AKAP6: variants seen among roughly 807,000 people sequenced by gnomAD.
AKAP6 encodes the protein A-kinase anchoring protein 6, also known as A-kinase anchor protein 6.
AKAP6 carries 58 observed loss-of-function variants against 188.5 expected under a neutral mutation model. That is an observed-to-expected ratio of 0.31 (90% CI 0.25 to 0.38). The LOEUF (loss-of-function observed/expected upper bound fraction) is 0.38. Among genes scored for constraint, AKAP6 ranks in the 10% least tolerant of loss-of-function variants. The pLI is 1.00. For missense variants in AKAP6, 2,710 were observed against 2,740.0 expected (o/e 0.99, Z 0.24); for synonymous variants, 989 against 998.6 (o/e 0.99, Z 0.18).
chr14:32,583,882 T>C (rs1258730867), intron 5 of AKAP6, among the ~76,000 whole-genome samples: 1 of 152,162 alleles, frequency 6.6e-6, no homozygotes, highest in African/African-American at 2.4e-5. Context: ...CATCTGTCAC[T>C]CCTTTCTTTG....
chr14:32,643,594 C>A (rs1393372468), intron 7 of AKAP6, among the ~76,000 whole-genome samples: 1 of 152,184 alleles, frequency 6.6e-6, no homozygotes, highest in African/African-American at 2.4e-5. Flanking sequence ...GCATGAGCCA[C>A]CACACCTGGC....
At chr14:32,575,226 T>C (rs973962715) in intron 4 of AKAP6, among the ~76,000 whole-genome samples, 4 of 152,198 alleles carry the variant, frequency 2.6e-5, no homozygotes, top group South Asian at 2.1e-4. Flanking sequence ...ACAGACAAAC[T>C]GATACCCTGA....
Position 32,367,240 on chromosome 14 carries a change from C to T in AKAP6, c.-35+37832C>T, listed in dbSNP as rs572319938. ...AAGCCTCCAAAACATAGATCAGTGTCGTCAGTTTGCCTCCTGGAGTCTTAA... is the reference window on the plus strand; with the variant it reads ...AAGCCTCCAAAACATAGATCAGTGTTGTCAGTTTGCCTCCTGGAGTCTTAA... On this transcript the variant is annotated intron_variant, in intron 1 of 13. Transcript: ENST00000280979. Among the ~76,000 whole-genome samples the T allele has an allele frequency of 5.3e-5, 8 of 152,292 alleles. No individual in the cohort carries two copies. The East Asian group carries it at 1.5e-3, about 29-fold the overall frequency.
intron 1 of AKAP6, among the ~76,000 whole-genome samples, chr14:32,391,464 T>C (rs1888712485): frequency 6.6e-6 from 1 of 152,180 alleles, no homozygotes; most frequent in South Asian, 2.1e-4. Context: ...TAAACAAATA[T>C]GTGAAAATCC....
chr14:32,536,448 A>G (rs1566561434), intron 3 of AKAP6, among the ~76,000 whole-genome samples: 2 of 152,226 alleles, frequency 1.3e-5, no homozygotes, highest in African/African-American at 2.4e-5. Flanking sequence ...AAAAAGCCCA[A>G]GGAACCAGGA....
rs137975229 is a variant in AKAP6, at chr14:32,667,158, G to A, written c.2731-11153G>A. Among the ~76,000 whole-genome samples the A allele has an allele frequency of 5.1e-4, 77 of 152,062 alleles. No individual in the cohort carries two copies. The East Asian group carries it at 9.3e-3, about 18-fold the overall frequency. On this transcript the variant is annotated intron_variant, in intron 7 of 13. Transcript: ENST00000280979. ...AACCCATTTATAAATTCTGTTTATC[G>A]TGCATGACCCTCGGAGCCTAAAATG...
chr14:32,595,634 G>A (rs139752888), intron 5 of AKAP6, among the ~76,000 whole-genome samples: 5 of 152,102 alleles, frequency 3.3e-5, no homozygotes, highest in Admixed American at 2.0e-4. Context: ...TCAGCTTCCC[G>A]AGTAGCCAGA....
intron 1 of AKAP6, among the ~76,000 whole-genome samples, chr14:32,330,250 G>A (rs1022547915): frequency 2.0e-5 from 3 of 151,906 alleles, no homozygotes; most frequent in Non-Finnish European, 4.4e-5. Flanking sequence ...TAAATATCAG[G>A]GTCCTCAGTG....
At chr14:32,410,275 A>G (rs984806277) in intron 1 of AKAP6, among the ~76,000 whole-genome samples, 3 of 152,150 alleles carry the variant, frequency 2.0e-5, no homozygotes, top group African/African-American at 7.2e-5. Context: ...TCCTCTGCAC[A>G]ATAAAACTTG....
intron 12 of AKAP6, among the ~76,000 whole-genome samples, chr14:32,800,406 A>G (rs1332665771): frequency 6.6e-6 from 1 of 151,722 alleles, no homozygotes; most frequent in East Asian, 1.9e-4. Context: ...TGTCTCAAAA[A>G]GAAAAAGAAA....
At chr14:32,590,574 A>G (rs1323294232) in intron 5 of AKAP6, among the ~76,000 whole-genome samples, 1 of 152,202 alleles carries the variant, frequency 6.6e-6, no homozygotes, top group African/African-American at 2.4e-5. Flanking sequence ...TCATCAAACG[A>G]TAACTGAGCA....
intron 5 of AKAP6, among the ~76,000 whole-genome samples, chr14:32,585,466 G>T (rs548479658): frequency 6.6e-6 from 1 of 150,948 alleles, no homozygotes; most frequent in African/African-American, 2.4e-5. Flanking sequence ...GACTGTGGGG[G>T]AAAATGGTGA....
At chr14:32,790,985 A>G (rs1322479318) in intron 12 of AKAP6, among the ~76,000 whole-genome samples, 1 of 152,096 alleles carries the variant, frequency 6.6e-6, no homozygotes, top group African/African-American at 2.4e-5. Flanking sequence ...TCCATGGTGT[A>G]TATGTGCCAC....
At chr14:32,414,110 C>T (rs751909779) in intron 1 of AKAP6, among the ~76,000 whole-genome samples, 6 of 151,806 alleles carry the variant, frequency 4.0e-5, no homozygotes, top group Non-Finnish European at 8.8e-5. Flanking sequence ...AGCTTGAGGT[C>T]GAGTAAGCCT....
intron 7 of AKAP6, among the ~76,000 whole-genome samples, chr14:32,612,479 T>C (rs1451710135): frequency 1.3e-5 from 2 of 152,194 alleles, no homozygotes; most frequent in Admixed American, 6.6e-5. Context: ...GTGTAAATCA[T>C]GGCACAATCC....
chr14:32,384,508 G>T (rs1157826322), intron 1 of AKAP6, among the ~76,000 whole-genome samples: 2 of 152,206 alleles, frequency 1.3e-5, no homozygotes, highest in South Asian at 2.1e-4. Flanking sequence ...TAGAATCATA[G>T]AATTTTGGTA....
At chr14:32,347,415 G>A (rs1887105050) in intron 1 of AKAP6, among the ~76,000 whole-genome samples, 1 of 152,154 alleles carries the variant, frequency 6.6e-6, no homozygotes, top group Non-Finnish European at 1.5e-5. Flanking sequence ...CCTTTCTGAT[G>A]TATTGTTGCC....
At chr14:32,510,402 ATGTATATATATG>A in intron 2 of AKAP6, among the ~76,000 whole-genome samples, 1 of 129,158 alleles carries the variant, frequency 7.7e-6, no homozygotes, top group South Asian at 2.3e-4. Context: ...GTGTATATAT[ATGTATATATATG>A]TATATATATA....
intron 9 of AKAP6, among the ~76,000 whole-genome samples, chr14:32,714,519 A>G (rs1048643760): frequency 3.3e-5 from 5 of 152,020 alleles, no homozygotes; most frequent in African/African-American, 9.7e-5. Context: ...AAACATAAAT[A>G]TATATTTTAT....
Sources: allele counts gnomAD v4.1 joint callset (sites outside exome capture counted in the v4.1 genomes callset), GRCh38; gene constraint gnomAD v4.1.1; transcripts MANE v1.5; gene names NCBI Gene and HGNC (gene_info 2026-07-23, HGNC 2026-07-21).